The following SREBF2 variants were observed in gnomAD, a reference collection of about 807,000 sequenced individuals.
SREBF2 encodes the protein sterol regulatory element-binding protein 2.
In SREBF2, 55 loss-of-function variants were observed where a neutral mutation model predicts 113.1. The ratio of observed to expected loss-of-function variants is 0.49; its 90% confidence interval spans 0.39 to 0.61. The LOEUF is 0.61. SREBF2 is among the 20% of genes least tolerant of loss of function. The pLI is 0.00. For synonymous variants in SREBF2, 593 were observed against 605.7 expected, an observed-to-expected ratio of 0.98 and a Z score of 0.31; for missense variants, 1,349 against 1,487.4, an observed-to-expected ratio of 0.91 and a Z score of 1.53.
rs758200664 is a variant in SREBF2 at position 41,875,528 on chromosome 22, G to T, written c.1205-15G>T. The T allele has an allele frequency of 1.2e-5, 19 of 1,614,102 alleles. 1 individual carries two copies. The South Asian group carries it at 1.9e-4, about 16-fold the overall frequency. ...AAAAGCAGATCATTTTCACCAGGTG[G>T]GGTTTTCTTTGCAGAGCTTCTAAAG... On this transcript the variant is annotated splice_polypyrimidine_tract_variant and intron_variant, in intron 6 of 18. Transcript: ENST00000361204.
Position 41,875,322 on chromosome 22 carries a change from C to T in SREBF2, c.1090-15C>T, listed in dbSNP as rs572881691. ...GCACTGGTCTCACTGTGTTTTCACT[C>T]ATCTTCCTACCCAGATGCACAAGTC... On this transcript the variant is annotated splice_polypyrimidine_tract_variant and intron_variant, in intron 5 of 18. Coordinates refer to ENST00000361204, the MANE Select transcript of SREBF2 (RefSeq NM_004599.4). 2.5e-6 allele frequency: 4 copies of T among 1,609,404 alleles called. No homozygotes were observed. The highest frequency in any genetic ancestry group is 2.2e-5 in the South Asian group (2 of 90,840).
chr22:41,894,940 A>G lies in SREBF2; in HGVS notation c.2495+3A>G, dbSNP rs1364280932. On this transcript the variant is annotated splice_donor_region_variant and intron_variant, in intron 13 of 18. Coordinates refer to ENST00000361204, the MANE Select transcript of SREBF2 (RefSeq NM_004599.4). Reference sequence around the variant, plus strand: ...GGAGACCAGGAAGAAGAGAGCTGGTAAAGTCCCCAGACCAGTCCCCCTGCC... The same window carrying G: ...GGAGACCAGGAAGAAGAGAGCTGGTGAAGTCCCCAGACCAGTCCCCCTGCC... 11 of 1,612,836 alleles carry G rather than the reference A, an allele frequency of 6.8e-6. No homozygotes were observed. Among genetic ancestry groups the G allele is most frequent in the Non-Finnish European group, 9.3e-6 (11 of 1,179,156 alleles).
At position 41,833,231 on chromosome 22, in the gene SREBF2, G is replaced by A; in HGVS notation, c.-40G>A. 2 of 1,495,786 alleles carry A rather than the reference G, an allele frequency of 1.3e-6. No homozygotes were observed. 92.7% of individuals were successfully genotyped at this position (1,495,786 alleles called of 1,614,324 possible). A position where few individuals can be genotyped will look rare whatever the true frequency, so the allele number is the denominator to read the frequency against. ...GACGGCACCGCCCCCGCGTCTCCCT[G>A]AGCGGGACGGCAGGGGGGGCTTCTG... On this transcript the variant is annotated 5_prime_UTR_variant, in exon 1 of 19. It removes the in-frame stop codon of an upstream open reading frame in the 5' UTR. Transcript: ENST00000361204. This position sits in a 1 kb window ranked among gnomAD's most constrained non-coding sequence, Gnocchi z 4.1.
At chr22:41,837,735 G>A (rs2076791400) in intron 1 of SREBF2, among the ~76,000 whole-genome samples, 1 of 148,134 alleles carries the variant, frequency 6.8e-6, no homozygotes, top group African/African-American at 2.5e-5. Context: ...GCACATGCCT[G>A]TAATCCCAGC....
intron 18 of SREBF2, among the ~76,000 whole-genome samples, chr22:41,905,214 T>C (rs2146565647): frequency 6.6e-6 from 1 of 152,218 alleles, no homozygotes; most frequent in East Asian, 1.9e-4. Context: ...GGTGCAGGCA[T>C]AGAAGCAGAA....
At chr22:41,868,356 G>A (rs1157149414) in intron 2 of SREBF2, among the ~76,000 whole-genome samples, 1 of 152,148 alleles carries the variant, frequency 6.6e-6, no homozygotes, top group African/African-American at 2.4e-5. Flanking sequence ...GTCATTTGCT[G>A]ATTAGCTTCC....
Position 41,877,896 on chromosome 22 carries a change from C to T in SREBF2, c.1580-46C>T, listed in dbSNP as rs757962770. ...GGGGTCTGTCAGGTGCCTGGCTGCT[C>T]CGCAAGGCCTTTCCTAGCAGACTCT... On this transcript the variant is annotated intron_variant, in intron 8 of 18. Coordinates refer to ENST00000361204, the MANE Select transcript of SREBF2 (RefSeq NM_004599.4). The T allele has an allele frequency of 8.7e-6, 14 of 1,611,366 alleles. No homozygotes were observed. The South Asian group carries it at 1.4e-4, about 16-fold the overall frequency.
intron 1 of SREBF2, among the ~76,000 whole-genome samples, chr22:41,855,280 T>C (rs921883795): frequency 1.3e-5 from 2 of 152,236 alleles, no homozygotes; most frequent in Non-Finnish European, 2.9e-5. Context: ...CTCAGGACTT[T>C]GGGAGACTGA....
chr22:41,835,627 C>T (rs1370102329), intron 1 of SREBF2, among the ~76,000 whole-genome samples: 4 of 148,660 alleles, frequency 2.7e-5, no homozygotes, highest in Non-Finnish European at 4.5e-5. Flanking sequence ...CGTGCCTGGC[C>T]GAGCCACCTA....
At chr22:41,864,253 T>TACACACAC (rs1231687095) in intron 1 of SREBF2, among the ~76,000 whole-genome samples, 5 of 81,944 alleles carry the variant, frequency 6.1e-5, no homozygotes, top group African/African-American at 2.2e-4. Flanking sequence ...TATATATATA[T>TACACACAC]ATATATATAC....
At chr22:41,854,363 T>C (rs979317097) in intron 1 of SREBF2, among the ~76,000 whole-genome samples, 1 of 150,694 alleles carries the variant, frequency 6.6e-6, no homozygotes, top group African/African-American at 2.4e-5. Context: ...GGTTTCACCA[T>C]GTTGGCCAGG....
At chr22:41,888,884 G>C (rs997814705) in intron 11 of SREBF2, among the ~76,000 whole-genome samples, 11 of 152,192 alleles carry the variant, frequency 7.2e-5, no homozygotes, top group Non-Finnish European at 1.3e-4. Context: ...CTTGAGAGAG[G>C]ATAAAGAGAC....
At chr22:41,843,109 C>G (rs1194527692) in intron 1 of SREBF2, among the ~76,000 whole-genome samples, 1 of 152,158 alleles carries the variant, frequency 6.6e-6, no homozygotes, top group Non-Finnish European at 1.5e-5. Flanking sequence ...CAGAATGAAT[C>G]CTGTTGTCAA....
chr22:41,884,661 G>A (rs1374068680), intron 10 of SREBF2, among the ~76,000 whole-genome samples, 181 bp from the exon 11 acceptor site: 1 of 152,110 alleles, frequency 6.6e-6, no homozygotes, highest in Non-Finnish European at 1.5e-5. Context: ...AGGTAGACAG[G>A]AACACACAGC....
intron 15 of SREBF2, chr22:41,899,465 G>A (rs2077445804): frequency 1.0e-6 from 1 of 994,796 alleles, no homozygotes; most frequent in East Asian, 1.1e-4. Context: ...AGACAGAAAG[G>A]CCCCACGAGG....
chr22:41,872,150 C>T (rs181890753), intron 4 of SREBF2, among the ~76,000 whole-genome samples: 2 of 149,856 alleles, frequency 1.3e-5, no homozygotes, highest in East Asian at 2.0e-4. Flanking sequence ...CTCGGGAGGC[C>T]GAGGTAGGAG....
At position 41,878,696 on chromosome 22, in the gene SREBF2, T is replaced by C. The variant is rs535871844; in HGVS notation, c.1761+573T>C. On this transcript the variant is annotated intron_variant, in intron 9 of 18. Transcript: ENST00000361204. ...AAAAAATCTGGGGCAACTCACAGCA[T>C]TGAGGAAGAGTTAAACATCCACATT... The C allele has an allele frequency of 1.9e-5, 25 of 1,304,314 alleles. No individual in the cohort carries two copies. The South Asian group carries it at 2.5e-4, about 13-fold the overall frequency. The allele number at this position is 1,304,314 out of a possible 1,614,324, so 80.8% of individuals were successfully genotyped here.
Position 41,864,321 on chromosome 22 carries a change from A to G in SREBF2, c.89-2510A>G, listed in dbSNP as rs1411083922. ...TATATATATATATGTATATATATAT[A>G]TATTTTTTTTTTTTTTTGAGACTGA... On this transcript the variant is annotated intron_variant, in intron 1 of 18. Coordinates refer to ENST00000361204, the MANE Select transcript of SREBF2 (RefSeq NM_004599.4). Among the ~76,000 whole-genome samples the G allele has an allele frequency of 8.8e-5, 9 of 101,894 alleles. 1 individual carries two copies. The highest frequency in any genetic ancestry group is 3.0e-4 in the African/African-American group (7 of 23,048). The allele number at this position is 101,894 out of a possible 152,430, so 66.8% of individuals were successfully genotyped here. A position where few individuals can be genotyped will look rare whatever the true frequency, so the allele number is the denominator to read the frequency against.
intron 11 of SREBF2, among the ~76,000 whole-genome samples, chr22:41,889,287 G>A (rs1199851452): frequency 1.3e-5 from 2 of 151,834 alleles, no homozygotes; most frequent in African/African-American, 2.4e-5. Context: ...CCACCACACC[G>A]AGCTTATTTT....
Sources: allele counts gnomAD v4.1 joint callset (sites outside exome capture counted in the v4.1 genomes callset), GRCh38; gene constraint gnomAD v4.1.1; non-coding constraint Gnocchi (gnomAD v3.1); transcripts MANE v1.5; gene names NCBI Gene and HGNC (gene_info 2026-07-23, HGNC 2026-07-21).